IFIT2: variants seen among roughly 807,000 people sequenced by gnomAD.
IFIT2 encodes interferon induced protein with tetratricopeptide repeats 2.
IFIT2 carries 3 observed loss-of-function variants against 2.5 expected under a neutral mutation model. That is an observed-to-expected ratio of 1.21 (90% CI 0.55 to 3.14). IFIT2 has a LOEUF of 3.14. Ranked by LOEUF, IFIT2 falls within the 30% of genes most tolerant of loss-of-function variation. The pLI is 0.03. For missense variants in IFIT2, 493 were observed against 558.9 expected (o/e 0.88, Z 1.19); for synonymous variants, 212 against 200.7 (o/e 1.06, Z -0.48).
At chr10:89,305,491 G>A (rs1346911473) in intron 1 of IFIT2, among the ~76,000 whole-genome samples, 1 of 152,086 alleles carries the variant, frequency 6.6e-6, no homozygotes, top group Non-Finnish European at 1.5e-5. Context: ...TCGGAGGGAT[G>A]AGAAATTAAA....
Position 89,308,595 on chromosome 10 carries a change from C to G in IFIT2, c.*1220C>G, listed in dbSNP as rs1843498382. The stretch of plus-strand genomic sequence containing the variant: ...ACGATTGAGATTTTCTAGGTAGATG[C>G]TGAATAGCCTAGACATCAAAGTTGG... On this transcript the variant is annotated 3_prime_UTR_variant, in exon 2 of 2. Transcript: ENST00000371826. 6.6e-6 allele frequency: 1 copy of G among 152,156 alleles called. No individual in the cohort carries two copies. The highest frequency in any genetic ancestry group is 1.9e-4 in the East Asian group (1 of 5,200). 9.4% of individuals were successfully genotyped at this position (152,156 alleles called of 1,614,324 possible). A position where few individuals can be genotyped will look rare whatever the true frequency, so the allele number is the denominator to read the frequency against.
At position 89,306,000 on chromosome 10, in the gene IFIT2, A is replaced by G. The variant is rs1192668211; in HGVS notation, c.44A>G (p.Gln15Arg). The change falls in exon 2 of 2, where the codon CAA becomes CGA. Residue 15 changes from glutamine to arginine, a missense_variant. Coordinates refer to ENST00000371826, the MANE Select transcript of IFIT2 (RefSeq NM_001547.5). ...NKNSLESSLR[Q>R]LKCHFTWNLM... ...AATTCCTTGGAGAGCAGCCTACGGC[A>G]ACTAAAATGCCATTTCACCTGGAAC... is the stretch of plus-strand genomic sequence containing the variant. 6.2e-7 allele frequency: 1 copy of G among 1,613,838 alleles called. No homozygotes were observed. The highest frequency in any genetic ancestry group is 8.5e-7 in the Non-Finnish European group (1 of 1,179,854).
At position 89,307,351 on chromosome 10, in the gene IFIT2, A is replaced by G. The variant is rs1843489097; in HGVS notation, c.1395A>G (p.Ser465=). 1 of 1,603,500 alleles carries G rather than the reference A, an allele frequency of 6.2e-7. No homozygotes were observed. ...TGGAGTCTGGAAGCCTCATCCCTTCAGCATCAAGCTGGAATGGGGAATGAA... is the reference window on the plus strand; with the variant it reads ...TGGAGTCTGGAAGCCTCATCCCTTCGGCATCAAGCTGGAATGGGGAATGAA... ...RGLESGSLIP[S]ASSWNGE The change falls in exon 2 of 2, where the codon TCA becomes TCG. Residue 465 remains serine, a synonymous_variant. Transcript: ENST00000371826.
At position 89,302,101 on chromosome 10, in the gene IFIT2, C is replaced by T. The variant is rs770843745; in HGVS notation, c.-23C>T. ...GCTGCCTGAACCGAGCCCTGCCGAACAGCTGAGAATTGCACTGCAACCATG... is the reference window on the plus strand; with the variant it reads ...GCTGCCTGAACCGAGCCCTGCCGAATAGCTGAGAATTGCACTGCAACCATG... On this transcript the variant is annotated 5_prime_UTR_variant, in exon 1 of 2. Coordinates refer to ENST00000371826, the MANE Select transcript of IFIT2 (RefSeq NM_001547.5). The T allele has an allele frequency of 3.1e-6, 5 of 1,613,874 alleles. No individual in the cohort carries two copies. Among genetic ancestry groups the T allele is most frequent in the Admixed American group, 3.3e-5 (2 of 60,024 alleles).
In IFIT2 at chr10:89,306,392, C is replaced by T. The variant is rs368254015; in HGVS notation, c.436C>T (p.Arg146Trp). Residue 146 changes from arginine to tryptophan, a missense_variant, in exon 2 of 2, where the codon CGG becomes TGG. Arg to Trp is a moderately radical substitution (Grantham distance 101, BLOSUM62 -3). Transcript: ENST00000371826. ...GCTTGACTGTGAGGAAGGGTGGACA[C>T]GGTTAAAGTGTGGAGGAAACCAAAA... ...PELDCEEGWT[R>W]LKCGGNQNER... The T allele has an allele frequency of 9.3e-6, 15 of 1,613,954 alleles. No homozygotes were observed. Among genetic ancestry groups the T allele is most frequent in the South Asian group, 2.2e-5 (2 of 91,084 alleles).
In IFIT2 at chr10:89,302,116, C is replaced by T. The variant is rs760124533; in HGVS notation, c.-8C>T. ...CCCTGCCGAACAGCTGAGAATTGCACTGCAACCATGAGGTAAATATTTTCC... is the reference window on the plus strand; with the variant it reads ...CCCTGCCGAACAGCTGAGAATTGCATTGCAACCATGAGGTAAATATTTTCC... On this transcript the variant is annotated 5_prime_UTR_variant, in exon 1 of 2. Transcript: ENST00000371826. 2.5e-6 allele frequency: 4 copies of T among 1,613,970 alleles called. No homozygotes were observed. The highest frequency in any genetic ancestry group is 2.2e-5 in the South Asian group (2 of 91,084).
rs1385678405 is a variant in IFIT2, at chr10:89,307,149, G to A, written c.1193G>A (p.Gly398Asp). The A allele has an allele frequency of 1.2e-6, 2 of 1,613,824 alleles. No individual in the cohort carries two copies. The highest frequency in any genetic ancestry group is 1.7e-5 in the Admixed American group (1 of 59,976). ...AAGGCCATCCACCACTTTATAGAGGGTGTAAAAATAAACCAGAAATCAAGG... is the reference window on the plus strand; with the variant it reads ...AAGGCCATCCACCACTTTATAGAGGATGTAAAAATAAACCAGAAATCAAGG... Reference protein sequence around the residue: ...EDKAIHHFIEGVKINQKSREK... With the variant: ...EDKAIHHFIEDVKINQKSREK... Residue 398 changes from glycine to aspartate, a missense_variant, in exon 2 of 2, where the codon GGT becomes GAT. Physicochemically the swap from Gly to Asp is moderately conservative, Grantham distance 94 (BLOSUM62 -1). Transcript: ENST00000371826.
chr10:89,306,427 G>T lies in IFIT2; in HGVS notation c.471G>T (p.Ala157=), dbSNP rs201914012. 71 of 1,614,040 alleles carry T rather than the reference G, an allele frequency of 4.4e-5. No individual in the cohort carries two copies. The highest frequency in any genetic ancestry group is 5.6e-5 in the Non-Finnish European group (66 of 1,180,014). ...GTGGAGGAAACCAAAATGAAAGAGCGAAGGTGTGCTTTGAGAAGGCTCTGG... is the reference window on the plus strand; with the variant it reads ...GTGGAGGAAACCAAAATGAAAGAGCTAAGGTGTGCTTTGAGAAGGCTCTGG... ...LKCGGNQNER[A]KVCFEKALEK... Residue 157 remains alanine, a synonymous_variant, in exon 2 of 2, where the codon GCG becomes GCT. Coordinates refer to ENST00000371826, the MANE Select transcript of IFIT2 (RefSeq NM_001547.5).
chr10:89,306,002 C>A lies in IFIT2; in HGVS notation c.46C>A (p.Leu16Ile). 6.2e-7 allele frequency: 1 copy of A among 1,613,922 alleles called. No individual in the cohort carries two copies. Among genetic ancestry groups the A allele is most frequent in the South Asian group, 1.1e-5 (1 of 91,076 alleles). Reference sequence around the variant, plus strand: ...TTCCTTGGAGAGCAGCCTACGGCAACTAAAATGCCATTTCACCTGGAACTT... The same window carrying A: ...TTCCTTGGAGAGCAGCCTACGGCAAATAAAATGCCATTTCACCTGGAACTT... ...KNSLESSLRQ[L>I]KCHFTWNLME... is the part of the protein sequence containing the mutation. The change falls in exon 2 of 2, where the codon CTA (leucine) becomes ATA (isoleucine). Residue 16 changes from leucine to isoleucine, a missense_variant. Transcript: ENST00000371826.
In IFIT2 at chr10:89,306,220, G is replaced by A. The variant is rs1843477415; in HGVS notation, c.264G>A (p.Gln88=). The change falls in exon 2 of 2, where the codon CAG becomes CAA. Residue 88 remains glutamine (Q), a synonymous_variant. Coordinates refer to ENST00000371826, the MANE Select transcript of IFIT2 (RefSeq NM_001547.5). ...TAATCCAGCAAGAGCATGCTGACCA[G>A]GCAGAAATCAGAAGTCTGGTCACCT... The part of the protein sequence containing the change: ...EELIQQEHAD[Q]AEIRSLVTWG... 2 of 1,614,124 alleles carry A rather than the reference G, an allele frequency of 1.2e-6. No homozygotes were observed. Among genetic ancestry groups the A allele is most frequent in the African/African-American group, 2.7e-5 (2 of 75,046 alleles).
At chr10:89,302,155 AGTGCTG>A in intron 1 of IFIT2, 27 bp downstream of exon 1, 1 of 1,612,856 alleles carries the variant, frequency 6.2e-7, no homozygotes. Flanking sequence ...CGTATTCGGT[AGTGCTG>A]TTGAGTCATC....
Position 89,306,132 on chromosome 10 carries a change from A to G in IFIT2, c.176A>G (p.Tyr59Cys). The G allele has an allele frequency of 1.2e-6, 2 of 1,614,150 alleles. No homozygotes were observed. The highest frequency in any genetic ancestry group is 1.1e-5 in the South Asian group (1 of 91,088). The change falls in exon 2 of 2, where the codon TAT becomes TGT. Residue 59 changes from tyrosine (Y) to cysteine (C), a missense_variant. Transcript: ENST00000371826. Reference sequence around the variant, plus strand: ...GCCACAATGTGCAACCTACTGGCCTATCTAAAGCACCTCAAAGGGCAAAAC... The same window carrying G: ...GCCACAATGTGCAACCTACTGGCCTGTCTAAAGCACCTCAAAGGGCAAAAC... ...FKATMCNLLA[Y>C]LKHLKGQNEA...
Position 89,303,345 on chromosome 10 carries a change from C to A in IFIT2, c.5+1217C>A, listed in dbSNP as rs573865140. Among the ~76,000 whole-genome samples, 10 of 152,324 alleles carry A rather than the reference C, an allele frequency of 6.6e-5. No homozygotes were observed. The South Asian group carries it at 1.2e-3, about 19-fold the overall frequency. On this transcript the variant is annotated intron_variant, in intron 1 of 1. Coordinates refer to ENST00000371826, the MANE Select transcript of IFIT2 (RefSeq NM_001547.5). ...GGTTAGAGTCTGAGGATGTGTGTTTCTAAAAGGCTCCTCAGTGATTCTGAG... is the reference window on the plus strand; with the variant it reads ...GGTTAGAGTCTGAGGATGTGTGTTTATAAAAGGCTCCTCAGTGATTCTGAG...
In IFIT2 at chr10:89,307,219, G is replaced by C. The variant is rs1589596307; in HGVS notation, c.1263G>C (p.Met421Ile). 1 of 1,614,032 alleles carries C rather than the reference G, an allele frequency of 6.2e-7. No homozygotes were observed. The highest frequency in any genetic ancestry group is 2.2e-5 in the East Asian group (1 of 44,880). The change falls in exon 2 of 2, where the codon ATG becomes ATC. Residue 421 changes from methionine to isoleucine, a missense_variant. Coordinates refer to ENST00000371826, the MANE Select transcript of IFIT2 (RefSeq NM_001547.5). ...MKDKLQKIAK[M>I]RLSKNGADSE... The stretch of plus-strand genomic sequence containing the variant: ...ACAAACTGCAAAAAATTGCCAAAAT[G>C]CGACTTTCTAAAAATGGAGCAGATT...
rs1357040066 is a variant in IFIT2, at chr10:89,305,963, G to A, written c.7G>A (p.Glu3Lys). 6.2e-7 allele frequency: 1 copy of A among 1,605,990 alleles called. No homozygotes were observed. Among genetic ancestry groups the A allele is most frequent in the Non-Finnish European group, 8.5e-7 (1 of 1,173,670 alleles). Residue 3 changes from glutamate to lysine, a missense_variant and splice_region_variant, in exon 2 of 2, where the codon GAG (glutamate) becomes AAG (lysine). Glu to Lys is a moderately conservative substitution (Grantham distance 56, BLOSUM62 1). Coordinates refer to ENST00000371826, the MANE Select transcript of IFIT2 (RefSeq NM_001547.5). MSENNKNSLESSL... is the reference protein window; with the variant it reads MSKNNKNSLESSL... ...CCATCTTTGTGTTTTTCCCTACAGT[G>A]AGAACAATAAGAATTCCTTGGAGAG...
In IFIT2 at chr10:89,307,170, C is replaced by T. The variant is rs1161127140; in HGVS notation, c.1214C>T (p.Ser405Leu). 6.2e-6 allele frequency: 10 copies of T among 1,613,864 alleles called. No individual in the cohort carries two copies. The highest frequency in any genetic ancestry group is 8.5e-6 in the Non-Finnish European group (10 of 1,179,906). Residue 405 changes from serine (S) to leucine (L), a missense_variant, in exon 2 of 2, where the codon TCA becomes TTA. Physicochemically the swap from Ser to Leu is moderately radical, Grantham distance 145. Coordinates refer to ENST00000371826, the MANE Select transcript of IFIT2 (RefSeq NM_001547.5). Reference sequence around the variant, plus strand: ...GAGGGTGTAAAAATAAACCAGAAATCAAGGGAGAAAGAAAAGATGAAAGAC... The same window carrying T: ...GAGGGTGTAAAAATAAACCAGAAATTAAGGGAGAAAGAAAAGATGAAAGAC... ...FIEGVKINQK[S>L]REKEKMKDKL...
chr10:89,304,546 C>G (rs149735905), intron 1 of IFIT2, among the ~76,000 whole-genome samples: 2 of 152,082 alleles, frequency 1.3e-5, no homozygotes, highest in East Asian at 3.9e-4. Flanking sequence ...GTATAAGAAG[C>G]CATACTATTT....
intron 1 of IFIT2, 60 bp from the exon 2 acceptor site, chr10:89,305,902 T>C: frequency 8.3e-7 from 1 of 1,197,994 alleles, no homozygotes. Context: ...TTTGCCATGC[T>C]CCCATTTCTT....
At chr10:89,302,331 C>A (rs1383326543) in intron 1 of IFIT2, among the ~76,000 whole-genome samples, 1 of 152,128 alleles carries the variant, frequency 6.6e-6, no homozygotes, top group Non-Finnish European at 1.5e-5. Flanking sequence ...TTCACACTGG[C>A]AAGCTTCCTA....
Sources: gnomAD v4.1 joint callset for allele counts (sites outside exome capture counted in the v4.1 genomes callset) on GRCh38, gnomAD v4.1.1 for gene constraint, MANE v1.5 for transcripts, NCBI Gene and HGNC (gene_info 2026-07-23, HGNC 2026-07-21) for gene names.